The following TPD52L1 variants were observed in gnomAD, a reference collection of about 807,000 sequenced individuals.
The protein encoded by TPD52L1 is TPD52 like 1, also known as tumor protein D53.
Under a neutral mutation model 28.7 loss-of-function variants are expected in TPD52L1, and 18 were observed. The ratio of observed to expected loss-of-function variants is 0.63; its 90% CI spans 0.43 to 0.93. The LOEUF is 0.93. Among genes scored for constraint, TPD52L1 ranks in the 40% least tolerant of loss-of-function variants. The pLI is 0.00. For synonymous variants in TPD52L1, 75 were observed against 88.8 expected (o/e 0.84, Z 0.88); for missense variants, 203 against 254.8 (o/e 0.80, Z 1.39).
Position 125,172,080 on chromosome 6 carries a change from CTCTT to C in TPD52L1, c.19+18125_19+18128del, listed in dbSNP as rs140483517. On this transcript the variant is annotated intron_variant, in intron 1 of 6. Coordinates refer to ENST00000534000, the MANE Select transcript of TPD52L1 (RefSeq NM_003287.4). ...CTTTCTCTTCTTTCTTTCTTTCTTT[CTCTT>C]TCTTTCTTTCTTTCCCTTTCTTTCT... is the stretch of plus-strand genomic sequence containing the variant. 3.9e-4 allele frequency among the ~76,000 whole-genome samples: 36 copies of C among 92,348 alleles called. No individual in the cohort carries two copies. The South Asian group carries it at 5.6e-3, about 14-fold the overall frequency. The allele number at this position is 92,348 out of a possible 152,430, so 60.6% of individuals were successfully genotyped here. A position where few individuals can be genotyped will look rare whatever the true frequency, so the allele number is the denominator to read the frequency against.
chr6:125,250,013 A>G (rs1016710071), intron 4 of TPD52L1, among the ~76,000 whole-genome samples: 1 of 152,196 alleles, frequency 6.6e-6, no homozygotes, highest in Non-Finnish European at 1.5e-5. Context: ...TATTACAAAT[A>G]AAATTTGTAA....
At position 125,175,557 on chromosome 6, in the gene TPD52L1, G is replaced by A. The variant is rs567202036; in HGVS notation, c.19+21587G>A. On this transcript the variant is annotated intron_variant, in intron 1 of 6. Transcript: ENST00000534000. ...AAGTTACCCTTCTTAAGAAAGAGAG[G>A]AAGGGGAAAATATGGGAACTGGGGA... 4.0e-3 allele frequency among the ~76,000 whole-genome samples: 606 copies of A among 152,260 alleles called. 2 individuals carry two copies. Among genetic ancestry groups the A allele is most frequent in the Non-Finnish European group, 7.1e-3 (481 of 68,014 alleles).
chr6:125,176,644 G>C (rs559603767), intron 1 of TPD52L1, among the ~76,000 whole-genome samples: 1 of 152,158 alleles, frequency 6.6e-6, no homozygotes. Context: ...ATTTAAGAGC[G>C]TATCCTTTCT....
intron 2 of TPD52L1, among the ~76,000 whole-genome samples, chr6:125,221,573 G>A (rs908558872): frequency 1.3e-5 from 2 of 152,072 alleles, no homozygotes; most frequent in Non-Finnish European, 2.9e-5. Context: ...GATTACTGGG[G>A]TATACATACA....
chr6:125,157,265 A>G (rs776415005), intron 1 of TPD52L1, among the ~76,000 whole-genome samples: 1 of 152,234 alleles, frequency 6.6e-6, no homozygotes, highest in Admixed American at 6.5e-5. Context: ...TTGTCCAGGA[A>G]GACACCAAGG....
rs138964536 is a variant in TPD52L1, at chr6:125,156,415, A to T, written c.19+2445A>T. Among the ~76,000 whole-genome samples, 17 of 149,142 alleles carry T rather than the reference A, an allele frequency of 1.1e-4. No individual in the cohort carries two copies. The East Asian group carries it at 2.4e-3, about 21-fold the overall frequency. On this transcript the variant is annotated intron_variant, in intron 1 of 6. Coordinates refer to ENST00000534000, the MANE Select transcript of TPD52L1 (RefSeq NM_003287.4). ...CAGAAGTTTGTGGCTACAGTGAGCC[A>T]AAATCCCAGCATTGCACTCTAGTCT...
At chr6:125,195,932 G>A (rs551028704) in intron 1 of TPD52L1, among the ~76,000 whole-genome samples, 4 of 152,166 alleles carry the variant, frequency 2.6e-5, no homozygotes, top group Non-Finnish European at 5.9e-5. Context: ...AGCTTCAGGA[G>A]AGCAGAGGCC....
intron 1 of TPD52L1, among the ~76,000 whole-genome samples, chr6:125,197,053 A>G (rs923561974): frequency 2.6e-5 from 4 of 152,230 alleles, no homozygotes; most frequent in African/African-American, 9.6e-5. Context: ...AAGCTTTTCT[A>G]TACCACGGAG....
intron 2 of TPD52L1, among the ~76,000 whole-genome samples, chr6:125,222,805 A>G (rs1795332474): frequency 6.6e-6 from 1 of 152,244 alleles, no homozygotes; most frequent in African/African-American, 2.4e-5. Flanking sequence ...CTCTTTTATT[A>G]TAGATTAACT....
intron 1 of TPD52L1, among the ~76,000 whole-genome samples, chr6:125,214,030 C>T (rs187504775): frequency 3.9e-5 from 6 of 152,248 alleles, no homozygotes; most frequent in Admixed American, 6.5e-5. Context: ...TGGAACCAGA[C>T]GATGGCTGAG....
chr6:125,230,060 C>T (rs1795851654), intron 3 of TPD52L1, among the ~76,000 whole-genome samples: 1 of 152,094 alleles, frequency 6.6e-6, no homozygotes, highest in South Asian at 2.1e-4. Flanking sequence ...CCACTCCAGC[C>T]TGGCGACAGA....
chr6:125,239,162 T>G (rs1344289398), intron 3 of TPD52L1, among the ~76,000 whole-genome samples: 1 of 152,184 alleles, frequency 6.6e-6, no homozygotes, highest in Non-Finnish European at 1.5e-5. Context: ...TAAATTATGG[T>G]CATTTTTGCA....
chr6:125,172,545 T>TATATATATATA (rs1791536320), intron 1 of TPD52L1, among the ~76,000 whole-genome samples: 2 of 99,650 alleles, frequency 2.0e-5, no homozygotes, highest in South Asian at 6.2e-4. Flanking sequence ...TATATATATA[T>TATATATATATA]ATATATAATA....
chr6:125,200,701 C>T (rs1176934580), intron 1 of TPD52L1, among the ~76,000 whole-genome samples: 1 of 152,168 alleles, frequency 6.6e-6, no homozygotes, highest in Non-Finnish European at 1.5e-5. Flanking sequence ...CCAAATGGTG[C>T]AGATGCAAAT....
chr6:125,188,052 G>A (rs1300151395), intron 1 of TPD52L1, among the ~76,000 whole-genome samples: 2 of 152,058 alleles, frequency 1.3e-5, no homozygotes, highest in Admixed American at 1.3e-4. Flanking sequence ...ATTGAGAAGA[G>A]GTCCTGGTTT....
chr6:125,172,565 T>C (rs1272604970), intron 1 of TPD52L1, among the ~76,000 whole-genome samples: 40 of 101,634 alleles, frequency 3.9e-4, no homozygotes, highest in African/African-American at 1.5e-3. Context: ...ATATATACTA[T>C]ATGGCATGAA....
chr6:125,249,426 C>T (rs1170699071), intron 4 of TPD52L1, among the ~76,000 whole-genome samples: 1 of 151,578 alleles, frequency 6.6e-6, no homozygotes, highest in South Asian at 2.1e-4. Flanking sequence ...TGCCTGTAAT[C>T]CCGTCATTTT....
chr6:125,242,771 C>A (rs1796689164), intron 3 of TPD52L1, among the ~76,000 whole-genome samples: 1 of 152,110 alleles, frequency 6.6e-6, no homozygotes, highest in Non-Finnish European at 1.5e-5. Context: ...TTAAGTGGAG[C>A]ATTTAGGCCA....
intron 1 of TPD52L1, among the ~76,000 whole-genome samples, chr6:125,213,526 G>C (rs1470352954): frequency 1.3e-5 from 2 of 152,134 alleles, no homozygotes; most frequent in Non-Finnish European, 2.9e-5. Flanking sequence ...TCATTGGAGG[G>C]AGATTCTTTC....
Sources: gnomAD v4.1 joint callset for allele counts (sites outside exome capture counted in the v4.1 genomes callset) on GRCh38, gnomAD v4.1.1 for gene constraint, MANE v1.5 for transcripts, NCBI Gene and HGNC (gene_info 2026-07-23, HGNC 2026-07-21) for gene names.